Variants in ZNF83 observed in about 807,000 individuals in gnomAD.
ZNF83 encodes the protein zinc finger protein 816B.
For synonymous variants in ZNF83, 209 were observed against 213.0 expected, an observed-to-expected ratio of 0.98 and a Z score of 0.17; for missense variants, 552 against 629.9, an observed-to-expected ratio of 0.88 and a Z score of 1.32.
In ZNF83 at chr19:52,684,338, C is replaced by T. The variant is rs573223040; in HGVS notation, c.-283+6105G>A. On this transcript the variant is annotated intron_variant, in intron 1 of 5. Transcript: ENST00000594682. ...CCGAGATCACACCACTACACTCCAG[C>T]CTGGGTGACAGAGTGAGACTCAAAA... Among the ~76,000 whole-genome samples the T allele has an allele frequency of 5.3e-4, 80 of 152,004 alleles. 3 individuals are homozygous for T. In the South Asian group the frequency reaches 0.016, roughly 31 times the overall value.
intron 1 of ZNF83, among the ~76,000 whole-genome samples, chr19:52,678,679 C>G (rs1229621521): frequency 6.6e-6 from 1 of 151,756 alleles, no homozygotes; most frequent in Non-Finnish European, 1.5e-5. Context: ...AATGTTTCAT[C>G]AAAAATATCT....
At chr19:52,627,839 T>TGCACGTAC (rs2147137484) in intron 2 of ZNF83, among the ~76,000 whole-genome samples, 1 of 152,288 alleles carries the variant, frequency 6.6e-6, no homozygotes, top group African/African-American at 2.4e-5. Flanking sequence ...TCCCGTGACC[T>TGCACGTAC]GCACGTACAC....
chr19:52,641,721 C>A (rs2061308455), upstream of ZNF83, among the ~76,000 whole-genome samples: 1 of 151,884 alleles, frequency 6.6e-6, no homozygotes, highest in Admixed American at 6.6e-5. Flanking sequence ...AGCTTGTGAA[C>A]CAAAAGTATC....
intron 1 of ZNF83, among the ~76,000 whole-genome samples, chr19:52,686,825 G>A (rs988713577): frequency 1.3e-5 from 2 of 151,976 alleles, no homozygotes; most frequent in African/African-American, 2.4e-5. Context: ...CTCTCACCTC[G>A]GTCTCCCAAA....
chr19:52,614,627 C>T lies in ZNF83; in HGVS notation c.-63G>A. Reference sequence around the variant, plus strand: ...CGCACTCGCTTATAATGTCTTCAATCATGTTTCCACAGACACTGAGAGTCA... The same window carrying T: ...CGCACTCGCTTATAATGTCTTCAATTATGTTTCCACAGACACTGAGAGTCA... On this transcript the variant is annotated 5_prime_UTR_variant, in exon 3 of 3. An upstream start codon of the reference 5' UTR is lost. Coordinates refer to ENST00000301096, the Ensembl canonical transcript of ZNF83. 1 of 1,464,664 alleles carries T rather than the reference C, an allele frequency of 6.8e-7. No individual in the cohort carries two copies. The highest frequency in any genetic ancestry group is 9.1e-7 in the Non-Finnish European group (1 of 1,104,690). 90.7% of individuals were successfully genotyped at this position (1,464,664 alleles called of 1,614,324 possible).
intron 2 of ZNF83, among the ~76,000 whole-genome samples, chr19:52,630,178 C>T (rs1568545848): frequency 6.6e-6 from 1 of 152,212 alleles, no homozygotes; most frequent in Non-Finnish European, 1.5e-5. Context: ...ACTCCCAGAG[C>T]CCCTGGAACG....
At chr19:52,638,455 C>T (rs2061232464), upstream of ZNF83, 1 of 148,564 alleles carries the variant, frequency 6.7e-6, no homozygotes. Context: ...AGCCGAGAGA[C>T]TTTCCCCTTT....
chr19:52,637,369 A>ACTCT (rs762184553), intron 1 of ZNF83, among the ~76,000 whole-genome samples: 16 of 150,788 alleles, frequency 1.1e-4, no homozygotes, highest in Non-Finnish European at 2.2e-4. Context: ...CACCAGCACC[A>ACTCT]CTCTGCTCTG....
At chr19:52,655,679 C>T (rs2147263305) in exon 3 of ZNF83, 1 of 1,145,110 alleles carries the variant, frequency 8.7e-7, no homozygotes, top group Admixed American at 1.9e-5. Context: ...CCCTGAAAGT[C>T]AAGCATCCCT....
intron 3 of ZNF83, among the ~76,000 whole-genome samples, chr19:52,647,432 C>A (rs570191105): frequency 1.7e-4 from 26 of 152,148 alleles, no homozygotes; most frequent in Middle Eastern, 3.4e-3. Flanking sequence ...AGGTGTGCAC[C>A]ATCATGCCCT....
intron 1 of ZNF83, among the ~76,000 whole-genome samples, chr19:52,671,932 AT>A (rs1444269649): frequency 6.6e-6 from 1 of 152,188 alleles, no homozygotes; most frequent in Non-Finnish European, 1.5e-5. Flanking sequence ...CTGAAAAAAT[AT>A]AACTAAGTTA....
At chr19:52,670,866 T>C (rs1021418321) in intron 1 of ZNF83, among the ~76,000 whole-genome samples, 4 of 152,236 alleles carry the variant, frequency 2.6e-5, no homozygotes, top group African/African-American at 9.6e-5. Flanking sequence ...TTTGTCTAAA[T>C]ACCTGGGATC....
At chr19:52,670,718 CATTTT>C (rs1366307923) in intron 1 of ZNF83, among the ~76,000 whole-genome samples, 3 of 152,140 alleles carry the variant, frequency 2.0e-5, no homozygotes, top group Non-Finnish European at 4.4e-5. Flanking sequence ...TCTTCTTAGA[CATTTT>C]AGGGAGGCAT....
At chr19:52,690,231 T>C (rs1181544826) in intron 1 of ZNF83, among the ~76,000 whole-genome samples, 1 of 149,832 alleles carries the variant, frequency 6.7e-6, no homozygotes, top group African/African-American at 2.5e-5. Flanking sequence ...AGTGTATACA[T>C]TGCCCTAGAG....
intron 3 of ZNF83, among the ~76,000 whole-genome samples, chr19:52,648,545 TA>T: frequency 6.6e-6 from 1 of 152,222 alleles, no homozygotes; most frequent in Non-Finnish European, 1.5e-5. Flanking sequence ...CAAATGTCTG[TA>T]TTTAGCCAGT....
At position 52,614,249 on chromosome 19, in the gene ZNF83, A is replaced by G. The variant is rs758028377; in HGVS notation, c.316T>C (p.Leu106=). The G allele has an allele frequency of 7.4e-6, 12 of 1,614,140 alleles. No homozygotes were observed. In the Admixed American group the frequency reaches 8.3e-5, roughly 11 times the overall value. ...ATTATTTGATGTATAGTAAAATGTA[A>G]GCCTTGATGAAAGGCCTTGCCACGC... The change falls in exon 3 of 3, where the codon TTA becomes CTA. Residue 106 remains leucine (L), a synonymous_variant. Coordinates refer to ENST00000301096, the Ensembl canonical transcript of ZNF83.
chr19:52,623,139 A>C (rs12977602), intron 2 of ZNF83, among the ~76,000 whole-genome samples: 34,462 of 152,064 alleles, frequency 0.23, 3,950 homozygotes, highest in South Asian at 0.28. Flanking sequence ...GCTCACCCAG[A>C]AGCCACTCCT....
chr19:52,685,491 A>T (rs1294365133), intron 1 of ZNF83, among the ~76,000 whole-genome samples: 1 of 152,180 alleles, frequency 6.6e-6, no homozygotes, highest in African/African-American at 2.4e-5. Context: ...TTAAAAAAAA[A>T]TCACAGTCAC....
chr19:52,685,281 C>G (rs556729892), intron 1 of ZNF83, among the ~76,000 whole-genome samples: 3 of 152,028 alleles, frequency 2.0e-5, no homozygotes, highest in Non-Finnish European at 2.9e-5. Context: ...ACATTTTCAC[C>G]GAGTTACCCT....
Sources: gnomAD v4.1 joint callset for allele counts (sites outside exome capture counted in the v4.1 genomes callset) on GRCh38, gnomAD v4.1.1 for gene constraint, MANE v1.5 for transcripts, NCBI Gene and HGNC (gene_info 2026-07-23, HGNC 2026-07-21) for gene names.